The following BTRC variants were observed in gnomAD, a reference collection of about 807,000 sequenced individuals.
The protein encoded by BTRC is F-box/WD repeat-containing protein 1A.
In BTRC, 42 loss-of-function variants were observed where a neutral mutation model predicts 85.5. The ratio of observed to expected loss-of-function variants is 0.49; its 90% CI spans 0.38 to 0.64. The LOEUF is 0.64. Among genes scored for constraint, BTRC ranks in the 30% least tolerant of loss-of-function variants. The pLI, the probability that BTRC is intolerant of heterozygous loss-of-function variation, is 0.00. For missense variants in BTRC, 594 were observed against 743.5 expected, an observed-to-expected ratio of 0.80 and a Z score of 2.34; for synonymous variants, 255 against 263.3, an observed-to-expected ratio of 0.97 and a Z score of 0.30.
chr10:101,525,263 T>G (rs1205270508), intron 5 of BTRC, among the ~76,000 whole-genome samples: 2 of 152,174 alleles, frequency 1.3e-5, no homozygotes, highest in Non-Finnish European at 2.9e-5. Flanking sequence ...TCCACTGTTT[T>G]CCTCTGCACC....
At chr10:101,525,341 C>A (rs899436707) in intron 5 of BTRC, among the ~76,000 whole-genome samples, 13 of 151,988 alleles carry the variant, frequency 8.6e-5, no homozygotes, top group African/African-American at 2.7e-4. Flanking sequence ...TTCATTTTTG[C>A]CCAACTGTCA....
At chr10:101,538,656 C>A (rs2062423101) in intron 13 of BTRC, among the ~76,000 whole-genome samples, 1 of 152,142 alleles carries the variant, frequency 6.6e-6, no homozygotes. Context: ...AATTCTGTAT[C>A]CACCAGAAAC....
chr10:101,448,071 A>G (rs1049279658), intron 2 of BTRC, among the ~76,000 whole-genome samples: 3 of 152,150 alleles, frequency 2.0e-5, no homozygotes, highest in African/African-American at 7.2e-5. Flanking sequence ...GCATAATCAA[A>G]TTAATTGTAG....
chr10:101,448,996 T>C (rs1265381652), intron 2 of BTRC, among the ~76,000 whole-genome samples: 1 of 151,900 alleles, frequency 6.6e-6, no homozygotes, highest in Admixed American at 6.6e-5. Flanking sequence ...GGACACAGTA[T>C]AATAATAAGC....
intron 1 of BTRC, among the ~76,000 whole-genome samples, chr10:101,363,081 G>A (rs771765679): frequency 1.3e-4 from 20 of 152,068 alleles, no homozygotes; most frequent in Admixed American, 5.9e-4. Flanking sequence ...TAATTATTTA[G>A]CATGTACTAT....
intron 9 of BTRC, among the ~76,000 whole-genome samples, chr10:101,533,283 CATT>C (rs2062328796): frequency 6.6e-6 from 1 of 152,186 alleles, no homozygotes; most frequent in African/African-American, 2.4e-5. Context: ...AGAAACTACA[CATT>C]CTATTTTAAT....
At chr10:101,364,779 A>G (rs1942314514) in intron 1 of BTRC, 1 of 152,056 alleles carries the variant, frequency 6.6e-6, no homozygotes, top group African/African-American at 2.4e-5. Context: ...ACTAGTAAAT[A>G]CACAGAAAAG....
At chr10:101,483,124 C>G (rs530585412) in intron 4 of BTRC, among the ~76,000 whole-genome samples, 73 of 152,204 alleles carry the variant, frequency 4.8e-4, no homozygotes, top group African/African-American at 1.7e-3. Flanking sequence ...CCTATAATAC[C>G]TTGATTGTAA....
At chr10:101,425,486 A>G (rs1944226622) in intron 1 of BTRC, among the ~76,000 whole-genome samples, 2 of 152,166 alleles carry the variant, frequency 1.3e-5, no homozygotes, top group African/African-American at 4.8e-5. Context: ...TTTGTGTAGG[A>G]TGCAGTCATT....
intron 5 of BTRC, among the ~76,000 whole-genome samples, chr10:101,522,365 AACAAAAAAAAAC>A (rs765913696): frequency 0.083 from 6,516 of 78,722 alleles, 870 homozygotes; most frequent in Non-Finnish European, 0.11. Flanking sequence ...AAAAAAAAAA[AACAAAAAAAAAC>A]AAAAAAAAAA....
intron 1 of BTRC, among the ~76,000 whole-genome samples, chr10:101,400,267 G>A (rs1943462474): frequency 6.6e-6 from 1 of 152,208 alleles, no homozygotes. Flanking sequence ...GAAATCAGAT[G>A]TAATATGGTT....
intron 1 of BTRC, among the ~76,000 whole-genome samples, chr10:101,370,616 CCTCCCTCCCTTT>C (rs1202348927): frequency 2.0e-5 from 3 of 150,188 alleles, no homozygotes; most frequent in Non-Finnish European, 4.4e-5. Context: ...TCCCTCCCTC[CCTCCCTCCCTTT>C]CTCCCATCTA....
chr10:101,360,141 A>G (rs1309883114), intron 1 of BTRC, among the ~76,000 whole-genome samples: 1 of 149,378 alleles, frequency 6.7e-6, no homozygotes, highest in African/African-American at 2.5e-5. Context: ...TGCAGCCCCT[A>G]CCTCCTGGGT....
intron 5 of BTRC, among the ~76,000 whole-genome samples, chr10:101,522,358 AAAAAAAAAC>A (rs1175582405): frequency 6.8e-5 from 5 of 73,852 alleles, no homozygotes; most frequent in African/African-American, 2.8e-4. Context: ...GCTTTAAAAA[AAAAAAAAAC>A]AAAAAAAAAC....
At chr10:101,442,189 G>T (rs916901866) in intron 2 of BTRC, among the ~76,000 whole-genome samples, 1 of 151,692 alleles carries the variant, frequency 6.6e-6, no homozygotes, top group Admixed American at 6.6e-5. Context: ...CTGCTTAGAG[G>T]TACTGTAGAG....
At chr10:101,407,036 T>C (rs1943645712) in intron 1 of BTRC, among the ~76,000 whole-genome samples, 1 of 152,192 alleles carries the variant, frequency 6.6e-6, no homozygotes, top group Non-Finnish European at 1.5e-5. Flanking sequence ...AAGTATATAC[T>C]TTTAAATTTT....
Position 101,531,285 on chromosome 10 carries a change from C to T in BTRC, c.792C>T (p.Pro264=). Reference sequence around the variant, plus strand: ...AACCTCCTGACGGGAATGCTCCTCCCAACTCTTTTTATAGAGCACTTTATC... The same window carrying T: ...AACCTCCTGACGGGAATGCTCCTCCTAACTCTTTTTATAGAGCACTTTATC... ...KNKPPDGNAP[P]NSFYRALYPK... is the part of the protein sequence containing the mutation. Residue 264 remains proline, a synonymous_variant, in exon 7 of 15, where the codon CCC becomes CCT. Transcript: ENST00000370187. 1 of 1,611,214 alleles carries T rather than the reference C, an allele frequency of 6.2e-7. No homozygotes were observed. The highest frequency in any genetic ancestry group is 8.5e-7 in the Non-Finnish European group (1 of 1,177,462).
intron 1 of BTRC, among the ~76,000 whole-genome samples, chr10:101,383,057 ATTTTTTTTT>A (rs370353886): frequency 8.6e-6 from 1 of 116,516 alleles, no homozygotes. Context: ...TTCCCTGGAG[ATTTTTTTTT>A]TTTTTTTTTT....
intron 1 of BTRC, among the ~76,000 whole-genome samples, chr10:101,359,063 G>A (rs575654326): frequency 2.6e-5 from 4 of 152,248 alleles, no homozygotes; most frequent in African/African-American, 9.6e-5. Flanking sequence ...GTTAACTTCG[G>A]AAGGCACTAA....
Sources: gnomAD v4.1 joint callset for allele counts (sites outside exome capture counted in the v4.1 genomes callset) on GRCh38, gnomAD v4.1.1 for gene constraint, MANE v1.5 for transcripts, NCBI Gene and HGNC (gene_info 2026-07-23, HGNC 2026-07-21) for gene names.